BMP6: variants seen among roughly 807,000 people sequenced by gnomAD.
BMP6 encodes the protein bone morphogenetic protein 6.
In BMP6, 17 loss-of-function variants were observed where a neutral mutation model predicts 54.1. That is an observed-to-expected ratio of 0.31 (90% CI 0.22 to 0.47). The LOEUF is 0.47. Among genes scored for constraint, BMP6 ranks in the 20% least tolerant of loss-of-function variants. The probability of loss-of-function intolerance (pLI) is 1.00; values close to 1 mark genes in which losing one functional copy is unlikely to be tolerated. For missense variants in BMP6, 720 were observed against 690.4 expected, an observed-to-expected ratio of 1.04 and a Z score of -0.48; for synonymous variants, 328 against 291.2, an observed-to-expected ratio of 1.13 and a Z score of -1.28.
Position 7,853,613 on chromosome 6 carries a change from A to G in BMP6, c.858-7838A>G, listed in dbSNP as rs187264961. On this transcript the variant is annotated intron_variant, in intron 2 of 6. Coordinates refer to ENST00000283147, the MANE Select transcript of BMP6 (RefSeq NM_001718.6). ...GAGAACACTATATTATAGTTTGGGCAGAAGAAAACCAAAGCCTTTTATCCC... is the reference window on the plus strand; with the variant it reads ...GAGAACACTATATTATAGTTTGGGCGGAAGAAAACCAAAGCCTTTTATCCC... 3.6e-3 allele frequency among the ~76,000 whole-genome samples: 550 copies of G among 152,332 alleles called. 9 individuals are homozygous for G. Among genetic ancestry groups the G allele is most frequent in the East Asian group, 0.013 (70 of 5,186 alleles).
chr6:7,802,715 C>T lies in BMP6; in HGVS notation c.665-42425C>T, dbSNP rs113726615. ...TGAAAGGAGAGGAAGGTGGCAGTGT[C>T]CTTGGATGGACTGAGACTTGTCCTT... On this transcript the variant is annotated intron_variant, in intron 1 of 6. Transcript: ENST00000283147. Among the ~76,000 whole-genome samples, 59 of 152,236 alleles carry T rather than the reference C, an allele frequency of 3.9e-4. 2 individuals are homozygous for T. The highest frequency in any genetic ancestry group is 1.3e-3 in the African/African-American group (54 of 41,542).
intron 2 of BMP6, among the ~76,000 whole-genome samples, chr6:7,851,511 T>C (rs2113262638): frequency 6.6e-6 from 1 of 152,342 alleles, no homozygotes; most frequent in South Asian, 2.1e-4. Flanking sequence ...GGAATTTCTG[T>C]GAATATAATC....
At chr6:7,870,045 C>A (rs1759497658) in intron 4 of BMP6, among the ~76,000 whole-genome samples, 1 of 152,172 alleles carries the variant, frequency 6.6e-6, no homozygotes, top group African/African-American at 2.4e-5. Context: ...CAAGAAGACT[C>A]CATCACTGTG....
At chr6:7,859,003 G>T (rs924546207) in intron 2 of BMP6, among the ~76,000 whole-genome samples, 9 of 151,948 alleles carry the variant, frequency 5.9e-5, no homozygotes, top group Admixed American at 3.9e-4. Context: ...AGAGTGACTC[G>T]GTAGCAGAGT....
At chr6:7,773,594 A>C (rs1423980457) in intron 1 of BMP6, among the ~76,000 whole-genome samples, 1 of 152,254 alleles carries the variant, frequency 6.6e-6, no homozygotes, top group Non-Finnish European at 1.5e-5. Context: ...CTCTGTTTCC[A>C]TTCAACGTAT....
chr6:7,805,554 G>A (rs1409434201), intron 1 of BMP6, among the ~76,000 whole-genome samples: 2 of 152,196 alleles, frequency 1.3e-5, no homozygotes, highest in Non-Finnish European at 2.9e-5. Flanking sequence ...AATTTTAATT[G>A]TATAGATGCA....
At chr6:7,875,965 A>G (rs1759609407) in intron 4 of BMP6, among the ~76,000 whole-genome samples, 1 of 152,176 alleles carries the variant, frequency 6.6e-6, no homozygotes, top group Non-Finnish European at 1.5e-5. Flanking sequence ...CCCTCAGGTT[A>G]TACACTGCAG....
intron 1 of BMP6, among the ~76,000 whole-genome samples, chr6:7,728,689 A>G (rs1761793365): frequency 6.6e-6 from 1 of 152,128 alleles, no homozygotes; most frequent in African/African-American, 2.4e-5. Flanking sequence ...TGCACTGGCT[A>G]CGCCCGGGAT....
In BMP6 at chr6:7,861,016, C is replaced by CAT. The variant is rs1166088443; in HGVS notation, c.858-433_858-432dup. On this transcript the variant is annotated intron_variant, in intron 2 of 6. Coordinates refer to ENST00000283147, the MANE Select transcript of BMP6 (RefSeq NM_001718.6). ...TAGTATCATAAATAAATTTTTAAAA[C>CAT]ATAATAGAAGTATTAAAATGTAAAT... is the stretch of plus-strand genomic sequence containing the variant. Among the ~76,000 whole-genome samples, 3 of 150,668 alleles carry CAT rather than the reference C, an allele frequency of 2.0e-5. No individual in the cohort carries two copies. In the East Asian group the frequency reaches 5.8e-4, roughly 29 times the overall value.
chr6:7,807,376 C>A (rs1339889896), intron 1 of BMP6, among the ~76,000 whole-genome samples: 1 of 152,170 alleles, frequency 6.6e-6, no homozygotes, highest in Non-Finnish European at 1.5e-5. Context: ...TTATTGGAAC[C>A]TCCACCTTCC....
At chr6:7,836,090 G>A (rs1296080901) in intron 1 of BMP6, among the ~76,000 whole-genome samples, 1 of 151,888 alleles carries the variant, frequency 6.6e-6, no homozygotes, top group African/African-American at 2.4e-5. Context: ...ATCTGCCCAC[G>A]GCCTCCCAAA....
intron 1 of BMP6, among the ~76,000 whole-genome samples, chr6:7,729,409 G>A (rs1190350303): frequency 6.6e-6 from 1 of 151,072 alleles, no homozygotes; most frequent in Non-Finnish European, 1.5e-5. Context: ...CTGGACAAAG[G>A]GGAGGAAGAC....
At chr6:7,803,048 C>T (rs1285904705) in intron 1 of BMP6, among the ~76,000 whole-genome samples, 3 of 152,142 alleles carry the variant, frequency 2.0e-5, no homozygotes, top group African/African-American at 4.8e-5. Flanking sequence ...AAGAAAAACA[C>T]TTGAAGTTGT....
At chr6:7,782,732 G>A (rs1054539273) in intron 1 of BMP6, among the ~76,000 whole-genome samples, 5 of 152,082 alleles carry the variant, frequency 3.3e-5, no homozygotes, top group African/African-American at 1.2e-4. Context: ...AGAAAAAAAA[G>A]TATAGATGAA....
At chr6:7,845,103 A>C in intron 1 of BMP6, 37 bp from the exon 2 acceptor site, 1 of 1,568,234 alleles carries the variant, frequency 6.4e-7, no homozygotes, top group Non-Finnish European at 8.7e-7. Context: ...TTAGTCAAGT[A>C]ACAATAGTTG....
chr6:7,771,696 G>GA (rs746847346), intron 1 of BMP6, among the ~76,000 whole-genome samples: 19 of 137,756 alleles, frequency 1.4e-4, no homozygotes, highest in Admixed American at 4.5e-4. Context: ...TGTTACACAG[G>GA]GTGGTGCAGG....
At chr6:7,857,411 G>A (rs1353052602) in intron 2 of BMP6, among the ~76,000 whole-genome samples, 2 of 152,204 alleles carry the variant, frequency 1.3e-5, no homozygotes, top group Admixed American at 6.5e-5. Flanking sequence ...TGCAAATGTA[G>A]GGTCTGAGTT....
chr6:7,798,911 C>T (rs1023573914), intron 1 of BMP6, among the ~76,000 whole-genome samples: 8 of 152,182 alleles, frequency 5.3e-5, no homozygotes, highest in South Asian at 2.1e-4. Context: ...CAGAGAAACT[C>T]GGAACGTGGT....
intron 3 of BMP6, 85 bp from the exon 4 acceptor site, chr6:7,862,216 A>C: frequency 6.8e-7 from 1 of 1,461,094 alleles, no homozygotes; most frequent in Non-Finnish European, 9.5e-7. Context: ...GCACTTAGGA[A>C]ACTAGGAAGT....
Sources: gnomAD v4.1 joint callset for allele counts (sites outside exome capture counted in the v4.1 genomes callset) on GRCh38, gnomAD v4.1.1 for gene constraint, MANE v1.5 for transcripts, NCBI Gene and HGNC (gene_info 2026-07-23, HGNC 2026-07-21) for gene names.